Variants in RIC3 observed in about 807,000 individuals in gnomAD.
RIC3 encodes RIC3 acetylcholine receptor chaperone.
RIC3 carries 28 observed loss-of-function variants against 27.3 expected under a neutral mutation model. The observed-to-expected ratio is 1.02, with a 90% CI of 0.76 to 1.41. RIC3 has a LOEUF of 1.41. Among genes scored for constraint, RIC3 ranks in the 40% most tolerant of loss-of-function variants. RIC3 has a pLI of 0.00. For synonymous variants in RIC3, 184 were observed against 160.4 expected (o/e 1.15, Z -1.11); for missense variants, 501 against 444.7 (o/e 1.13, Z -1.14).
At chr11:8,121,261 T>C (rs1946418197) in intron 5 of RIC3, among the ~76,000 whole-genome samples, 1 of 152,196 alleles carries the variant, frequency 6.6e-6, no homozygotes, top group Non-Finnish European at 1.5e-5. Flanking sequence ...CAACGAAAAC[T>C]GCAATTTGGA....
chr11:8,137,399 C>T lies in RIC3; in HGVS notation c.500G>A (p.Arg167Lys). Residue 167 changes from arginine (R) to lysine (K), a missense_variant, in exon 4 of 6, where the codon AGA (arginine) becomes AAA (lysine). By Grantham distance (26) the Arg-to-Lys change is conservative. Transcript: ENST00000309737. ...TEAAMEKLINRVGPNGESRAQ... is the reference protein window; with the variant it reads ...TEAAMEKLINKVGPNGESRAQ... ...CTACCTCTCACCATTAGGTCCCACT[C>T]TGTTGATTAATTTTTCCATGGCTGC... 6.2e-7 allele frequency: 1 copy of T among 1,614,070 alleles called. No homozygotes were observed.
chr11:8,162,629 CT>C (rs757717970), intron 1 of RIC3, among the ~76,000 whole-genome samples: 1,697 of 83,620 alleles, frequency 0.02, 6 homozygotes, highest in African/African-American at 0.063. Context: ...CATGCTTCTT[CT>C]TTTTTTTTTT....
chr11:8,132,957 T>C (rs1271682444), intron 4 of RIC3, among the ~76,000 whole-genome samples: 1 of 152,180 alleles, frequency 6.6e-6, no homozygotes, highest in African/African-American at 2.4e-5. Context: ...TGTAGAAACA[T>C]GGTGCTATGG....
the RIC3 span, chr11:8,100,796 G>A: frequency 1.4e-4 from 227 of 1,611,456 alleles, no homozygotes; most frequent in African/African-American, 2.5e-3. Context: ...CAAAGGCCTG[G>A]GCCTGGCTCA....
intron 5 of RIC3, among the ~76,000 whole-genome samples, chr11:8,111,338 A>T (rs1569128): frequency 0.47 from 71,765 of 152,132 alleles, 20,928 homozygotes; most frequent in Non-Finnish European, 0.64. Context: ...GCTCTTTGAA[A>T]TACAAACTAA....
At chr11:8,113,193 C>T (rs1590068912) in intron 5 of RIC3, among the ~76,000 whole-genome samples, 1 of 152,240 alleles carries the variant, frequency 6.6e-6, no homozygotes, top group African/African-American at 2.4e-5. Flanking sequence ...GCTTGCTAGT[C>T]AGCTCCCAGC....
At chr11:8,096,271 C>T in the RIC3 span, among the ~76,000 whole-genome samples, 2 of 152,188 alleles carry the variant, frequency 1.3e-5, no homozygotes, top group Admixed American at 6.5e-5. Flanking sequence ...TGGCAGATTC[C>T]GTGGTCTATG....
At chr11:8,105,596 T>TA (rs1471564774), downstream of RIC3, 2 of 152,230 alleles carry the variant, frequency 1.3e-5, no homozygotes, top group Non-Finnish European at 2.9e-5. Context: ...ATAATCTCTC[T>TA]AGGTCCATTT....
downstream of RIC3, chr11:8,101,501 T>C (rs1944303399): frequency 6.2e-7 from 1 of 1,614,256 alleles, no homozygotes; most frequent in Non-Finnish European, 8.5e-7. Flanking sequence ...TACATCGTGA[T>C]GCAGTTTGGC....
downstream of RIC3, chr11:8,105,022 G>T (rs548839496): frequency 6.7e-6 from 1 of 149,854 alleles, no homozygotes; most frequent in South Asian, 2.1e-4. Context: ...TTTAACAAGT[G>T]ACAGGGTTGG....
chr11:8,153,313 T>G (rs1950397284), intron 1 of RIC3: 1 of 381,682 alleles, frequency 2.6e-6, no homozygotes, highest in Non-Finnish European at 5.1e-6. Context: ...TAGAACAGAA[T>G]CTCTGTCTTT....
intron 4 of RIC3, among the ~76,000 whole-genome samples, chr11:8,127,250 A>C (rs909727148): frequency 2.6e-5 from 4 of 152,216 alleles, no homozygotes; most frequent in Non-Finnish European, 5.9e-5. Context: ...CAACCGGGGA[A>C]AATTTATGCT....
At chr11:8,131,214 T>A (rs1197537190) in intron 4 of RIC3, among the ~76,000 whole-genome samples, 1 of 152,214 alleles carries the variant, frequency 6.6e-6, no homozygotes. Context: ...CTAAGAAGGA[T>A]AATCCCTGAC....
intron 1 of RIC3, among the ~76,000 whole-genome samples, chr11:8,164,377 T>C (rs1951477209): frequency 6.6e-6 from 1 of 152,158 alleles, no homozygotes; most frequent in Non-Finnish European, 1.5e-5. Flanking sequence ...AAGGGCACCA[T>C]CAAGAACGTG....
At chr11:8,138,855 CT>C in intron 2 of RIC3, 2 of 211,414 alleles carry the variant, frequency 9.5e-6, no homozygotes, top group South Asian at 1.6e-4. Flanking sequence ...TCTCCTCTGC[CT>C]TTGCCTCTTT....
chr11:8,094,954 G>GT, the RIC3 span, among the ~76,000 whole-genome samples: 1 of 152,364 alleles, frequency 6.6e-6, no homozygotes, highest in Admixed American at 6.5e-5. Flanking sequence ...AAGCTCTGTG[G>GT]TAACGGGCAG....
the RIC3 span, among the ~76,000 whole-genome samples, chr11:8,099,602 G>GTA: frequency 6.6e-6 from 1 of 152,168 alleles, no homozygotes; most frequent in East Asian, 1.9e-4. Context: ...AGACATAAAT[G>GTA]TATACCTTTA....
the RIC3 span, chr11:8,100,696 G>T: frequency 5.0e-6 from 7 of 1,408,278 alleles, no homozygotes; most frequent in East Asian, 1.7e-4. Context: ...TGTATGTGGA[G>T]GGGTACCATG....
the RIC3 span, chr11:8,100,612 A>T: frequency 6.2e-7 from 1 of 1,611,342 alleles, no homozygotes; most frequent in Non-Finnish European, 8.5e-7. Flanking sequence ...GTGAGTGTCT[A>T]CCCCTTCCTC....
Sources: allele counts gnomAD v4.1 joint callset (sites outside exome capture counted in the v4.1 genomes callset), GRCh38; gene constraint gnomAD v4.1.1; transcripts MANE v1.5; gene names NCBI Gene and HGNC (gene_info 2026-07-23, HGNC 2026-07-21).